ANXA8: variants seen among roughly 807,000 people sequenced by gnomAD.
ANXA8 encodes the protein annexin A8, also known as VAC-beta.
In ANXA8, 9 loss-of-function variants were observed where a neutral mutation model predicts 26.8. That is an observed-to-expected ratio of 0.34 (90% confidence interval 0.20 to 0.59). ANXA8 has a LOEUF of 0.59. Among genes scored for constraint, ANXA8 ranks in the 20% least tolerant of loss-of-function variants. ANXA8 has a pLI of 0.84. For missense variants in ANXA8, 83 were observed against 238.5 expected, an observed-to-expected ratio of 0.35 and a Z score of 4.29; for synonymous variants, 39 against 94.8, an observed-to-expected ratio of 0.41 and a Z score of 3.42.
chr10:47,665,762 T>C, the ANXA8 span, among the ~76,000 whole-genome samples: 2 of 151,528 alleles, frequency 1.3e-5, no homozygotes, highest in African/African-American at 4.9e-5. Context: ...ATTGTTCTAC[T>C]CTATGGATTA....
chr10:47,973,749 C>T, the ANXA8 span, among the ~76,000 whole-genome samples: 6 of 150,996 alleles, frequency 4.0e-5, no homozygotes, highest in South Asian at 2.1e-4. Flanking sequence ...TTATTGGTAA[C>T]GAATGTTTGA....
the ANXA8 span, chr10:47,922,940 AC>A: frequency 1.5e-6 from 1 of 651,044 alleles, no homozygotes; most frequent in African/African-American, 2.1e-5. Context: ...ACCTGTGTCA[AC>A]CCATTCATCT....
chr10:47,606,699 G>C, the ANXA8 span, among the ~76,000 whole-genome samples: 1 of 147,416 alleles, frequency 6.8e-6, no homozygotes, highest in Non-Finnish European at 1.5e-5. Flanking sequence ...ACACACACTG[G>C]GGCCTTTTGG....
Position 47,480,903 on chromosome 10 carries a change from T to C in ANXA8, c.22-1015A>G, listed in dbSNP as rs1431035114. Among the ~76,000 whole-genome samples, 6 of 126,908 alleles carry C rather than the reference T, an allele frequency of 4.7e-5. 1 individual carries two copies. The highest frequency in any genetic ancestry group is 1.6e-4 in the African/African-American group (6 of 36,970). 83.3% of individuals were successfully genotyped at this position (126,908 alleles called of 152,430 possible). A position where few individuals can be genotyped will look rare whatever the true frequency, so the allele number is the denominator to read the frequency against. ...ATCCATCCATCCATCCATCCATCCATCCATCGAAGCCCTGGGTTAGATTGT... is the reference window on the plus strand; with the variant it reads ...ATCCATCCATCCATCCATCCATCCACCCATCGAAGCCCTGGGTTAGATTGT... On this transcript the variant is annotated intron_variant, in intron 1 of 11. Transcript: ENST00000585281.
At chr10:47,957,342 C>T in the ANXA8 span, among the ~76,000 whole-genome samples, 11 of 150,412 alleles carry the variant, frequency 7.3e-5, no homozygotes, top group Middle Eastern at 3.4e-3. Context: ...GCTGGGGACC[C>T]GTGACCTAAG....
the ANXA8 span, among the ~76,000 whole-genome samples, chr10:47,557,861 A>G: frequency 1.3e-5 from 2 of 151,508 alleles, no homozygotes; most frequent in Non-Finnish European, 2.9e-5. Flanking sequence ...ATTCAAGCTT[A>G]GTCAATTGTG....
At chr10:47,664,269 T>C in the ANXA8 span, among the ~76,000 whole-genome samples, 3 of 152,006 alleles carry the variant, frequency 2.0e-5, no homozygotes, top group Admixed American at 6.5e-5. Context: ...TCCCAGCTAC[T>C]GGGGAGGCTG....
the ANXA8 span, among the ~76,000 whole-genome samples, chr10:47,970,825 G>A: frequency 2.6e-5 from 4 of 151,334 alleles, no homozygotes; most frequent in Admixed American, 6.6e-5. Flanking sequence ...AGTATGCTTG[G>A]GAGGATGGCG....
At chr10:47,683,710 A>T in the ANXA8 span, among the ~76,000 whole-genome samples, 1 of 151,576 alleles carries the variant, frequency 6.6e-6, no homozygotes, top group African/African-American at 2.4e-5. Flanking sequence ...AGTAAGTTGC[A>T]GAGTAGTAAT....
At chr10:47,724,320 C>T in the ANXA8 span, among the ~76,000 whole-genome samples, 1 of 138,864 alleles carries the variant, frequency 7.2e-6, no homozygotes, top group Non-Finnish European at 1.6e-5. Flanking sequence ...GGCCTTGCCT[C>T]CTCCCCTTTA....
chr10:47,973,049 A>G, the ANXA8 span: 1 of 148,244 alleles, frequency 6.7e-6, no homozygotes, highest in Non-Finnish European at 1.5e-5. Context: ...TTGCGTACTC[A>G]CTTCCATTGT....
the ANXA8 span, among the ~76,000 whole-genome samples, chr10:47,572,630 T>C: frequency 3.4e-5 from 5 of 148,380 alleles, no homozygotes; most frequent in South Asian, 1.1e-3. Flanking sequence ...GGGAGGAGAA[T>C]TGCTTGAACC....
chr10:47,571,565 A>G, the ANXA8 span, among the ~76,000 whole-genome samples: 1 of 148,774 alleles, frequency 6.7e-6, no homozygotes, highest in East Asian at 2.0e-4. Context: ...ATTTCTACAA[A>G]ACAAAACAAA....
At chr10:47,664,282 G>T in the ANXA8 span, among the ~76,000 whole-genome samples, 1 of 152,202 alleles carries the variant, frequency 6.6e-6, no homozygotes, top group East Asian at 1.9e-4. Flanking sequence ...GGAGGCTGAG[G>T]CAGGAGAATT....
At chr10:47,666,435 C>G in the ANXA8 span, among the ~76,000 whole-genome samples, 22 of 151,464 alleles carry the variant, frequency 1.5e-4, no homozygotes, top group African/African-American at 5.4e-4. Context: ...TACAACAGTC[C>G]TAAGAGAGGA....
chr10:47,566,146 T>C, the ANXA8 span: 14 of 440,410 alleles, frequency 3.2e-5, no homozygotes, highest in Non-Finnish European at 5.3e-5. Flanking sequence ...TTCGATTTTT[T>C]ATTTATTTAA....
At chr10:47,502,073 T>C in the ANXA8 span, 56 of 1,562,376 alleles carry the variant, frequency 3.6e-5, no homozygotes, top group Admixed American at 1.2e-4. Context: ...ATAAAACAGA[T>C]ACTACACGCA....
At chr10:47,982,835 A>ATATATATATATATATATAT in the ANXA8 span, among the ~76,000 whole-genome samples, 2 of 12,800 alleles carry the variant, frequency 1.6e-4, no homozygotes, top group Non-Finnish European at 1.7e-4. Flanking sequence ...TATATATATA[A>ATATATATATATATATATAT]AATTTGATAA....
the ANXA8 span, among the ~76,000 whole-genome samples, chr10:47,702,720 G>C: frequency 6.6e-6 from 1 of 151,604 alleles, no homozygotes; most frequent in Non-Finnish European, 1.5e-5. Flanking sequence ...TCCAACTTCC[G>C]CCTCCTGGGC....
Sources: gnomAD v4.1 joint callset for allele counts (sites outside exome capture counted in the v4.1 genomes callset) on GRCh38, gnomAD v4.1.1 for gene constraint, MANE v1.5 for transcripts, NCBI Gene and HGNC (gene_info 2026-07-23, HGNC 2026-07-21) for gene names.